TMPRSS11F: variants seen among roughly 807,000 people sequenced by gnomAD.
TMPRSS11F encodes transmembrane serine protease 11F.
In TMPRSS11F, 47 loss-of-function variants were observed where a neutral mutation model predicts 60.2. That is an observed-to-expected ratio of 0.78 (90% CI 0.62 to 1.00). TMPRSS11F has a LOEUF of 1.00. Ranked by LOEUF, TMPRSS11F falls within the 50% of genes least tolerant of loss-of-function variation. The probability of loss-of-function intolerance (pLI) is 0.00; values close to 1 mark genes in which losing one functional copy is unlikely to be tolerated. For missense variants in TMPRSS11F, 519 were observed against 522.9 expected (o/e 0.99, Z 0.07); for synonymous variants, 166 against 167.3 (o/e 0.99, Z 0.06).
chr4:68,059,524 A>C (rs1287218127), intron 8 of TMPRSS11F, 56 bp from the exon 9 acceptor site: 1 of 1,535,044 alleles, frequency 6.5e-7, no homozygotes, highest in African/African-American at 1.4e-5. Flanking sequence ...ATACAATTGT[A>C]TCTAAGACAT....
At chr4:68,064,139 C>T (rs1160129439) in intron 8 of TMPRSS11F, among the ~76,000 whole-genome samples, 9 of 150,670 alleles carry the variant, frequency 6.0e-5, no homozygotes, top group African/African-American at 1.2e-4. Flanking sequence ...TTTTTTCCAC[C>T]GCTCTAGTTG....
chr4:68,059,461 T>C lies in TMPRSS11F; in HGVS notation c.1023A>G (p.Ile341Met), dbSNP rs1723111701. ...GFGSIVDDGP[I>M]QNTLRQARVE... ...CTCTGGCTTGCCGAAGTGTATTTTG[T>C]ATAGGTCCTATTGCACAAATGGATA... is the stretch of plus-strand genomic sequence containing the variant. Residue 341 changes from isoleucine (I) to methionine (M), a missense_variant, in exon 9 of 10, where the codon ATA (isoleucine) becomes ATG (methionine). By Grantham distance (10) the Ile-to-Met change is conservative. Transcript: ENST00000356291. 1.2e-6 allele frequency: 2 copies of C among 1,613,318 alleles called. No homozygotes were observed. The highest frequency in any genetic ancestry group is 1.1e-5 in the South Asian group (1 of 90,998).
rs113507361 is a variant in TMPRSS11F at position 68,059,126 on chromosome 4, G to C, written c.1158+200C>G. 2.2e-3 allele frequency among the ~76,000 whole-genome samples: 341 copies of C among 151,988 alleles called. 2 individuals carry two copies. Among genetic ancestry groups the C allele is most frequent in the African/African-American group, 8.0e-3 (332 of 41,436 alleles). On this transcript the variant is annotated intron_variant, in intron 9 of 9. Coordinates refer to ENST00000356291, the MANE Select transcript of TMPRSS11F (RefSeq NM_207407.2). ...ATCTCATTACATTAAATGAAATAATGTATAAAAAGTGCTTAATTTTTGGCT... is the reference window on the plus strand; with the variant it reads ...ATCTCATTACATTAAATGAAATAATCTATAAAAAGTGCTTAATTTTTGGCT...
intron 8 of TMPRSS11F, chr4:68,062,184 C>A (rs555939462): frequency 7.4e-6 from 3 of 407,188 alleles, no homozygotes; most frequent in Non-Finnish European, 9.4e-6. Flanking sequence ...AATTATATTG[C>A]GACTAAAACT....
chr4:68,125,998 A>G (rs1383349876), intron 1 of TMPRSS11F, among the ~76,000 whole-genome samples: 1 of 152,230 alleles, frequency 6.6e-6, no homozygotes, highest in Non-Finnish European at 1.5e-5. Context: ...CATTAAAGAA[A>G]TAAAGTGAAT....
intron 1 of TMPRSS11F, among the ~76,000 whole-genome samples, chr4:68,124,220 TA>T (rs71218935): frequency 0.055 from 7,903 of 144,318 alleles, 668 homozygotes; most frequent in African/African-American, 0.18. Context: ...GACTCTGTCT[TA>T]AAAAAAAAAA....
intron 7 of TMPRSS11F, 34 bp from the exon 8 acceptor site, chr4:68,064,978 T>C: frequency 1.3e-6 from 2 of 1,577,858 alleles, no homozygotes; most frequent in South Asian, 1.2e-5. Context: ...CTTGTGATGC[T>C]TGACTTAATT....
At chr4:68,070,068 T>C in intron 5 of TMPRSS11F, 61 bp from the exon 6 acceptor site, 1 of 1,386,456 alleles carries the variant, frequency 7.2e-7, no homozygotes, top group Middle Eastern at 1.8e-4. Context: ...TCATGTTGTG[T>C]TGTTCAACTG....
rs759331213 is a variant in TMPRSS11F, at chr4:68,053,967, C to A, written c.1259G>T (p.Gly420Val). ...ATACTTAGTTACTCTGGTGTAGACT[C>A]CAGGTTTTTTGGGAAGTGCACATGA... ...GQSCALPKKP[G>V]VYTRVTKYRD... Residue 420 changes from glycine to valine, a missense_variant, in exon 10 of 10, where the codon GGA becomes GTA. Coordinates refer to ENST00000356291, the MANE Select transcript of TMPRSS11F (RefSeq NM_207407.2). 2.5e-6 allele frequency: 4 copies of A among 1,612,482 alleles called. No homozygotes were observed. The South Asian group carries it at 3.3e-5, about 13-fold the overall frequency.
chr4:68,059,364 A>G lies in TMPRSS11F; in HGVS notation c.1120T>C (p.Cys374Arg). The G allele has an allele frequency of 6.2e-7, 1 of 1,613,942 alleles. No homozygotes were observed. The highest frequency in any genetic ancestry group is 1.3e-5 in the African/African-American group (1 of 75,024). ...YDGLITPGML[C>R]AGFMEGKIDA... ...ATTTTTCCTTCCATGAATCCAGCAC[A>G]TAACATTCCTGGAGTTATCAGGCCA... is the stretch of plus-strand genomic sequence containing the variant. Residue 374 changes from cysteine (C) to arginine (R), a missense_variant, in exon 9 of 10, where the codon TGT becomes CGT. Physicochemically the swap from Cys to Arg is radical, Grantham distance 180. Transcript: ENST00000356291.
At position 68,129,867 on chromosome 4, in the gene TMPRSS11F, A is replaced by G; in HGVS notation, c.-47T>C. 2 of 1,607,218 alleles carry G rather than the reference A, an allele frequency of 1.2e-6. No individual in the cohort carries two copies. Among genetic ancestry groups the G allele is most frequent in the Non-Finnish European group, 1.7e-6 (2 of 1,174,172 alleles). On this transcript the variant is annotated 5_prime_UTR_variant, in exon 1 of 10. Transcript: ENST00000356291. ...TCTATTCAGTCACCATCTGATCTGT[A>G]TCAGCAGGTTAGGACTTGGAGGCTG...
At chr4:68,087,245 G>C (rs1723832186) in intron 3 of TMPRSS11F, among the ~76,000 whole-genome samples, 1 of 151,956 alleles carries the variant, frequency 6.6e-6, no homozygotes, top group South Asian at 2.1e-4. Context: ...TTCACCATAT[G>C]AACAGAATTA....
intron 9 of TMPRSS11F, 150 bp downstream of exon 9, chr4:68,059,176 A>G: frequency 1.2e-6 from 1 of 813,008 alleles, no homozygotes; most frequent in Non-Finnish European, 1.9e-6. Flanking sequence ...CACTCAATAC[A>G]ATTATTGTTA....
rs185832921 is a variant in TMPRSS11F at position 68,075,102 on chromosome 4, C to T, written c.283-1093G>A. ...TGGTAAATTTTGCCCCCAATTTCTA[C>T]ATCCTGTCAGAGTAGGGAAAGTCTC... On this transcript the variant is annotated intron_variant, in intron 3 of 9. Coordinates refer to ENST00000356291, the MANE Select transcript of TMPRSS11F (RefSeq NM_207407.2). Among the ~76,000 whole-genome samples, 5 of 152,318 alleles carry T rather than the reference C, an allele frequency of 3.3e-5. No homozygotes were observed. The East Asian group carries it at 9.6e-4, about 29-fold the overall frequency.
chr4:68,094,472 C>T (rs896606454), intron 2 of TMPRSS11F, among the ~76,000 whole-genome samples: 10 of 145,560 alleles, frequency 6.9e-5, no homozygotes, highest in Admixed American at 2.8e-4. Context: ...GTGGGTGCAG[C>T]GCACCAGCAT....
intron 3 of TMPRSS11F, among the ~76,000 whole-genome samples, chr4:68,086,420 G>A (rs1209264728): frequency 6.6e-6 from 1 of 152,086 alleles, no homozygotes; most frequent in Non-Finnish European, 1.5e-5. Context: ...ACACCAATAA[G>A]TTAGAAAGAT....
chr4:68,109,186 C>CT (rs1238654983), intron 1 of TMPRSS11F, among the ~76,000 whole-genome samples: 2 of 152,094 alleles, frequency 1.3e-5, no homozygotes, highest in African/African-American at 4.8e-5. Flanking sequence ...TCTAATTGAG[C>CT]ACCTACTATG....
chr4:68,066,116 C>CAAAAAAA (rs10638436), intron 7 of TMPRSS11F, among the ~76,000 whole-genome samples: 1 of 111,566 alleles, frequency 9.0e-6, no homozygotes, highest in African/African-American at 3.6e-5. Context: ...AAGACTGTCT[C>CAAAAAAA]AAAAAAAAAA....
intron 7 of TMPRSS11F, among the ~76,000 whole-genome samples, chr4:68,066,144 AT>A (rs2109838053): frequency 6.8e-6 from 1 of 146,290 alleles, no homozygotes; most frequent in Admixed American, 6.8e-5. Context: ...GAGCAGGGAG[AT>A]GGGAGGGGTT....
Sources: allele counts gnomAD v4.1 joint callset (sites outside exome capture counted in the v4.1 genomes callset), GRCh38; gene constraint gnomAD v4.1.1; transcripts MANE v1.5; gene names NCBI Gene and HGNC (gene_info 2026-07-23, HGNC 2026-07-21).